The following SLC23A2 variants were observed in gnomAD, a reference collection of about 807,000 sequenced individuals.
The protein encoded by SLC23A2 is Na(+)/L-ascorbic acid transporter 2.
Under a neutral mutation model 73.3 loss-of-function variants are expected in SLC23A2, and 36 were observed. The observed-to-expected ratio is 0.49, with a 90% CI of 0.38 to 0.65. The LOEUF (loss-of-function observed/expected upper bound fraction) is 0.65. Ranked by LOEUF, SLC23A2 falls within the 30% of genes least tolerant of loss-of-function variation. SLC23A2 has a pLI of 0.00. For missense variants in SLC23A2, 507 were observed against 841.6 expected (o/e 0.60, Z 4.92); for synonymous variants, 343 against 327.3 (o/e 1.05, Z -0.52).
Position 4,863,966 on chromosome 20 carries a change from G to A in SLC23A2, c.1357-1059C>T, listed in dbSNP as rs1930089169. ...GCTGTCACCAGTCATGGGTTGGGAT[G>A]GCCCTCTGTGTCTCAACGCAAAGGC... On this transcript the variant is annotated intron_variant, in intron 13 of 16. Coordinates refer to ENST00000338244, the MANE Select transcript of SLC23A2 (RefSeq NM_005116.6). The surrounding 1 kb of genome is among the most constrained non-coding windows in gnomAD (Gnocchi z 4.8). Among the ~76,000 whole-genome samples the A allele has an allele frequency of 6.6e-6, 1 of 152,130 alleles. No homozygotes were observed. The highest frequency in any genetic ancestry group is 1.5e-5 in the Non-Finnish European group (1 of 68,020).
intron 3 of SLC23A2, among the ~76,000 whole-genome samples, chr20:4,913,198 C>T (rs1048246871): frequency 6.6e-6 from 1 of 152,204 alleles, no homozygotes; most frequent in African/African-American, 2.4e-5. Context: ...CCCCCACATC[C>T]TTCAGGGGAA....
At chr20:4,921,139 A>C (rs978448507) in intron 3 of SLC23A2, among the ~76,000 whole-genome samples, 5 of 152,242 alleles carry the variant, frequency 3.3e-5, no homozygotes, top group Non-Finnish European at 2.9e-5. Flanking sequence ...TGGAAAAGTT[A>C]GATCCATGAT....
chr20:4,983,212 A>C (rs968036362), intron 1 of SLC23A2, among the ~76,000 whole-genome samples: 1 of 152,224 alleles, frequency 6.6e-6, no homozygotes, highest in Non-Finnish European at 1.5e-5. Flanking sequence ...TAAAATTCTT[A>C]GAAGAAAACT....
chr20:4,881,906 T>C (rs1389028895), intron 9 of SLC23A2, among the ~76,000 whole-genome samples: 1 of 152,146 alleles, frequency 6.6e-6, no homozygotes, highest in South Asian at 2.1e-4. Context: ...TTGTAAGTGC[T>C]TTGTGGGTTT....
At chr20:4,993,302 C>G (rs1210902013) in intron 1 of SLC23A2, among the ~76,000 whole-genome samples, 8 of 56,306 alleles carry the variant, frequency 1.4e-4, no homozygotes, top group Admixed American at 1.2e-3. Context: ...AGCAAGACTC[C>G]GTCTCAAAAA....
rs199772331 is a variant in SLC23A2 at position 4,859,249 on chromosome 20, AAT to A, written c.1720+38_1720+39del. On this transcript the variant is annotated intron_variant, in intron 16 of 16. Transcript: ENST00000338244. ...AAAAAAAGTAACACATATGTTAAAA[AAT>A]AAAAAAAAAAAAAGTGTGTTTGATA... 5.4e-3 allele frequency: 6,554 copies of A among 1,224,162 alleles called. 168 individuals carry two copies. Among genetic ancestry groups the A allele is most frequent in the African/African-American group, 0.041 (2,452 of 59,902 alleles). The allele number at this position is 1,224,162 out of a possible 1,614,324, so 75.8% of individuals were successfully genotyped here.
In SLC23A2 at chr20:4,856,827, G is replaced by A; in HGVS notation, c.*145C>T. The A allele has an allele frequency of 1.6e-6, 1 of 626,814 alleles. No homozygotes were observed. Among genetic ancestry groups the A allele is most frequent in the South Asian group, 1.9e-5 (1 of 53,242 alleles). The allele number at this position is 626,814 out of a possible 1,614,324, so 38.8% of individuals were successfully genotyped here. ...CGCATCAGGCACCATCACCCTCACA[G>A]CAGAAAAGTGATTCGCAGTCTGTCT... is the stretch of plus-strand genomic sequence containing the variant. On this transcript the variant is annotated 3_prime_UTR_variant, in exon 17 of 17. Transcript: ENST00000338244. The surrounding 1 kb of genome is among the most constrained non-coding windows in gnomAD (Gnocchi z 4.6).
chr20:4,931,789 G>GA (rs1269946349), intron 3 of SLC23A2, among the ~76,000 whole-genome samples: 4 of 152,042 alleles, frequency 2.6e-5, no homozygotes, highest in Admixed American at 6.6e-5. Context: ...AAAAAGGAAA[G>GA]AAAAAAATCC....
At chr20:4,889,683 T>G (rs1026628743) in intron 6 of SLC23A2, among the ~76,000 whole-genome samples, 3 of 151,746 alleles carry the variant, frequency 2.0e-5, no homozygotes, top group Non-Finnish European at 2.9e-5. Flanking sequence ...GCTGGTGCAC[T>G]CCCCACAAGC....
At chr20:4,901,695 A>G (rs964532805) in intron 5 of SLC23A2, among the ~76,000 whole-genome samples, 1 of 152,160 alleles carries the variant, frequency 6.6e-6, no homozygotes, top group African/African-American at 2.4e-5. Context: ...CCTTCCTTTA[A>G]AAAATAAGAC....
At position 4,957,671 on chromosome 20, in the gene SLC23A2, C is replaced by T. The variant is rs1414175434; in HGVS notation, c.-155+13122G>A. Among the ~76,000 whole-genome samples, 19 of 151,584 alleles carry T rather than the reference C, an allele frequency of 1.3e-4. 1 individual carries two copies. Among genetic ancestry groups the T allele is most frequent in the Admixed American group, 5.3e-4 (8 of 15,216 alleles). On this transcript the variant is annotated intron_variant, in intron 2 of 16. Coordinates refer to ENST00000338244, the MANE Select transcript of SLC23A2 (RefSeq NM_005116.6). ...ATCCCAGCACTTTGGGAGGCCAAGG[C>T]GGGCAGATTACCTGAGGTCAGGAGT...
At chr20:4,995,058 C>T (rs2087995855) in intron 1 of SLC23A2, among the ~76,000 whole-genome samples, 1 of 152,078 alleles carries the variant, frequency 6.6e-6, no homozygotes, top group Non-Finnish European at 1.5e-5. Context: ...AAGCCAAGAA[C>T]TCTGAGATGA....
chr20:4,935,715 C>T (rs1424402264), intron 2 of SLC23A2, among the ~76,000 whole-genome samples: 4 of 151,964 alleles, frequency 2.6e-5, no homozygotes, highest in African/African-American at 9.7e-5. Flanking sequence ...AGGAGAATGG[C>T]GTGAACCTGG....
At chr20:4,893,335 G>A (rs1242762624) in intron 6 of SLC23A2, among the ~76,000 whole-genome samples, 1 of 152,092 alleles carries the variant, frequency 6.6e-6, no homozygotes, top group Non-Finnish European at 1.5e-5. Flanking sequence ...AAAGTGCTGG[G>A]ATTACAGCCC....
In SLC23A2 at chr20:4,902,341, C is replaced by A; in HGVS notation, c.324+101G>T. ...TCTTAAAAGAGGAATTTATAAAAGT[C>A]TTCAATAAACAAAAACCAAAGTGGA... On this transcript the variant is annotated intron_variant, in intron 5 of 16. Transcript: ENST00000338244. This position sits in a 1 kb window ranked among gnomAD's most constrained non-coding sequence, Gnocchi z 4.0. 1 of 688,248 alleles carries A rather than the reference C, an allele frequency of 1.5e-6. No homozygotes were observed. Among genetic ancestry groups the A allele is most frequent in the Admixed American group, 2.5e-5 (1 of 40,236 alleles). The allele number at this position is 688,248 out of a possible 1,614,324, so 42.6% of individuals were successfully genotyped here. A position where few individuals can be genotyped will look rare whatever the true frequency, so the allele number is the denominator to read the frequency against.
chr20:4,892,590 C>T (rs1221849511), intron 6 of SLC23A2, among the ~76,000 whole-genome samples: 1 of 152,190 alleles, frequency 6.6e-6, no homozygotes, highest in African/African-American at 2.4e-5. Flanking sequence ...CCATTATGTG[C>T]CTGCTTGACA....
intron 2 of SLC23A2, among the ~76,000 whole-genome samples, chr20:4,961,327 C>T (rs992303080): frequency 8.6e-5 from 13 of 152,016 alleles, no homozygotes; most frequent in African/African-American, 3.1e-4. Context: ...CATGATCCGC[C>T]CACCTTGGCC....
chr20:4,962,617 A>G (rs2087410552), intron 2 of SLC23A2, among the ~76,000 whole-genome samples: 1 of 152,224 alleles, frequency 6.6e-6, no homozygotes, highest in South Asian at 2.1e-4. Context: ...GGATAAGCCA[A>G]TGACTGAGAG....
chr20:4,982,245 G>A (rs1189350926), intron 1 of SLC23A2, among the ~76,000 whole-genome samples: 4 of 151,690 alleles, frequency 2.6e-5, no homozygotes, highest in Non-Finnish European at 4.4e-5. Context: ...TGCCCACCTC[G>A]GCCTCCCAAA....
Sources: allele counts gnomAD v4.1 joint callset (sites outside exome capture counted in the v4.1 genomes callset), GRCh38; gene constraint gnomAD v4.1.1; non-coding constraint Gnocchi (gnomAD v3.1); transcripts MANE v1.5; gene names NCBI Gene and HGNC (gene_info 2026-07-23, HGNC 2026-07-21).